OSBPL6: variants seen among roughly 807,000 people sequenced by gnomAD.
The protein encoded by OSBPL6 is oxysterol-binding protein-related protein 6.
OSBPL6 carries 49 observed loss-of-function variants against 125.8 expected under a neutral mutation model. The ratio of observed to expected loss-of-function variants is 0.39; its 90% CI spans 0.31 to 0.49. The LOEUF (loss-of-function observed/expected upper bound fraction) is 0.49. Among genes scored for constraint, OSBPL6 ranks in the 20% least tolerant of loss-of-function variants. The pLI, the probability that OSBPL6 is intolerant of heterozygous loss-of-function variation, is 0.88. For missense variants in OSBPL6, 986 were observed against 1,135.4 expected, an observed-to-expected ratio of 0.87 and a Z score of 1.89; for synonymous variants, 394 against 391.8, an observed-to-expected ratio of 1.01 and a Z score of -0.07.
At chr2:178,391,336 C>A in intron 22 of OSBPL6, 119 bp downstream of exon 22, 1 of 1,058,486 alleles carries the variant, frequency 9.4e-7, no homozygotes, top group Non-Finnish European at 1.3e-6. Context: ...AGATTAAAAG[C>A]GTAGATGCTT....
At chr2:178,202,880 T>G (rs534239270) in intron 1 of OSBPL6, among the ~76,000 whole-genome samples, 62 of 152,184 alleles carry the variant, frequency 4.1e-4, no homozygotes, top group African/African-American at 1.3e-3. Flanking sequence ...TTGAGTAATT[T>G]GATCAGGATG....
In OSBPL6 at chr2:178,384,053, A is replaced by C; in HGVS notation, c.1890A>C (p.Ala630=). Reference sequence around the variant, plus strand: ...TGTTTTAACAGGTTCTCGTTGCCGCATTTGCAGTTTCAGGATACTGCTCCA... The same window carrying C: ...TGTTTTAACAGGTTCTCGTTGCCGCCTTTGCAGTTTCAGGATACTGCTCCA... The part of the protein sequence containing the change: ...DPYERMVLVA[A]FAVSGYCSTY... The change falls in exon 18 of 25, where the codon GCA becomes GCC. Residue 630 remains alanine, a synonymous_variant. Transcript: ENST00000190611. 1 of 1,613,840 alleles carries C rather than the reference A, an allele frequency of 6.2e-7. No individual in the cohort carries two copies. The highest frequency in any genetic ancestry group is 8.5e-7 in the Non-Finnish European group (1 of 1,179,770).
At chr2:178,270,174 T>C (rs926095382) in intron 1 of OSBPL6, among the ~76,000 whole-genome samples, 2 of 152,120 alleles carry the variant, frequency 1.3e-5, no homozygotes, top group African/African-American at 4.8e-5. Context: ...AGAACAGCAA[T>C]CAGGCAGTTA....
In OSBPL6 at chr2:178,231,638, A is replaced by ATTTT. The variant is rs71023433; in HGVS notation, c.-351+36987_-351+36990dup. On this transcript the variant is annotated intron_variant, in intron 1 of 24. Coordinates refer to ENST00000190611, the MANE Select transcript of OSBPL6 (RefSeq NM_032523.4). Reference sequence around the variant, plus strand: ...TCCTGACCACCACCAGGGTGGTCCCATTTTTTTTTTTTTTTTTTTTTTTTT... The same window carrying ATTTT: ...TCCTGACCACCACCAGGGTGGTCCCATTTTTTTTTTTTTTTTTTTTTTTTTTTTT... Among the ~76,000 whole-genome samples the ATTTT allele has an allele frequency of 1.4e-3, 116 of 84,570 alleles. 8 individuals carry two copies. The highest frequency in any genetic ancestry group is 5.8e-3 in the African/African-American group (106 of 18,136). 55.5% of individuals were successfully genotyped at this position (84,570 alleles called of 152,430 possible).
At chr2:178,227,221 GTAAT>G (rs2090602116) in intron 1 of OSBPL6, among the ~76,000 whole-genome samples, 1 of 152,196 alleles carries the variant, frequency 6.6e-6, no homozygotes, top group Non-Finnish European at 1.5e-5. Flanking sequence ...AACATTATTT[GTAAT>G]TTGGAGGGAA....
At chr2:178,369,631 T>G (rs1480362915) in intron 13 of OSBPL6, among the ~76,000 whole-genome samples, 2 of 152,192 alleles carry the variant, frequency 1.3e-5, no homozygotes, top group African/African-American at 4.8e-5. Context: ...TAAATTATAT[T>G]TAATTTAAAA....
chr2:178,395,589 A>C lies in OSBPL6; in HGVS notation c.*30A>C. The C allele has an allele frequency of 8.3e-5, 120 of 1,449,924 alleles. No homozygotes were observed. The highest frequency in any genetic ancestry group is 3.5e-4 in the Middle Eastern group (2 of 5,696). 89.8% of individuals were successfully genotyped at this position (1,449,924 alleles called of 1,614,324 possible). A position where few individuals can be genotyped will look rare whatever the true frequency, so the allele number is the denominator to read the frequency against. On this transcript the variant is annotated 3_prime_UTR_variant, in exon 25 of 25. Coordinates refer to ENST00000190611, the MANE Select transcript of OSBPL6 (RefSeq NM_032523.4). ...GGAATGTAGAGCTAGCCAACATATC[A>C]CATTCTGAATGAATAAATAACTATG...
chr2:178,396,702 C>G lies in OSBPL6; in HGVS notation c.*1143C>G, dbSNP rs1695865928. On this transcript the variant is annotated 3_prime_UTR_variant, in exon 25 of 25. Transcript: ENST00000190611. ...GCAAAATCATATTTCAAATTTTCAT[C>G]AAGTGATTCCATATGGTACATGGCT... 1 of 152,186 alleles carries G rather than the reference C, an allele frequency of 6.6e-6. No homozygotes were observed. Among genetic ancestry groups the G allele is most frequent in the Non-Finnish European group, 1.5e-5 (1 of 68,028 alleles). The allele number at this position is 152,186 out of a possible 1,614,324, so 9.4% of individuals were successfully genotyped here. A position where few individuals can be genotyped will look rare whatever the true frequency, so the allele number is the denominator to read the frequency against.
intron 1 of OSBPL6, among the ~76,000 whole-genome samples, chr2:178,227,704 G>A (rs1262718512): frequency 6.6e-6 from 1 of 152,170 alleles, no homozygotes; most frequent in African/African-American, 2.4e-5. Context: ...ACTACATTTA[G>A]TGCCCTTTTC....
intron 11 of OSBPL6, among the ~76,000 whole-genome samples, chr2:178,346,940 G>T (rs1258101447): frequency 6.6e-6 from 1 of 151,930 alleles, no homozygotes; most frequent in Non-Finnish European, 1.5e-5. Flanking sequence ...CAATTCCCAG[G>T]GAACCATCTG....
At chr2:178,254,926 A>G (rs2091830354) in intron 1 of OSBPL6, among the ~76,000 whole-genome samples, 1 of 152,194 alleles carries the variant, frequency 6.6e-6, no homozygotes, top group Non-Finnish European at 1.5e-5. Context: ...ATGGACTCAC[A>G]GTTTCACATG....
intron 4 of OSBPL6, among the ~76,000 whole-genome samples, chr2:178,327,764 G>A (rs1218777160): frequency 1.3e-5 from 2 of 152,016 alleles, no homozygotes; most frequent in East Asian, 1.9e-4. Context: ...AAACCTCCCC[G>A]AGAGCAGCCG....
At chr2:178,196,429 T>TAC (rs1162739414) in intron 1 of OSBPL6, among the ~76,000 whole-genome samples, 1 of 152,352 alleles carries the variant, frequency 6.6e-6, no homozygotes, top group African/African-American at 2.4e-5. Flanking sequence ...AACGCCATTA[T>TAC]ACATTCAGTG....
At chr2:178,281,216 T>C (rs1684139820) in intron 1 of OSBPL6, among the ~76,000 whole-genome samples, 1 of 152,100 alleles carries the variant, frequency 6.6e-6, no homozygotes, top group African/African-American at 2.4e-5. Context: ...TTTTCCCACG[T>C]TGGCCAGTCT....
intron 1 of OSBPL6, among the ~76,000 whole-genome samples, chr2:178,273,119 A>C (rs966955321): frequency 1.8e-4 from 27 of 152,136 alleles, no homozygotes; most frequent in Non-Finnish European, 3.8e-4. Flanking sequence ...AGAGTGGGTA[A>C]AGAGTGAGTA....
intron 2 of OSBPL6, among the ~76,000 whole-genome samples, chr2:178,303,505 A>G (rs1295961173): frequency 1.3e-5 from 2 of 152,200 alleles, no homozygotes; most frequent in African/African-American, 4.8e-5. Flanking sequence ...AGGACCATAT[A>G]AAATTTCATT....
chr2:178,334,289 C>T (rs768243502), intron 8 of OSBPL6, among the ~76,000 whole-genome samples: 4 of 152,228 alleles, frequency 2.6e-5, no homozygotes, highest in Non-Finnish European at 5.9e-5. Flanking sequence ...TGTTCAAGAA[C>T]GTTCCAATGA....
At chr2:178,260,043 A>C (rs2092007928) in intron 1 of OSBPL6, among the ~76,000 whole-genome samples, 1 of 152,174 alleles carries the variant, frequency 6.6e-6, no homozygotes, top group South Asian at 2.1e-4. Flanking sequence ...TAATTCTAAT[A>C]TTCTTCTTCA....
At chr2:178,355,167 A>G (rs1344132520) in intron 12 of OSBPL6, among the ~76,000 whole-genome samples, 1 of 152,218 alleles carries the variant, frequency 6.6e-6, no homozygotes, top group Non-Finnish European at 1.5e-5. Flanking sequence ...TAACATCACA[A>G]TTAAAAGAAC....
Sources: gnomAD v4.1 joint callset for allele counts (sites outside exome capture counted in the v4.1 genomes callset) on GRCh38, gnomAD v4.1.1 for gene constraint, MANE v1.5 for transcripts, NCBI Gene and HGNC (gene_info 2026-07-23, HGNC 2026-07-21) for gene names.